Variants in MYOCOS observed in about 807,000 individuals in gnomAD.
The protein encoded by MYOCOS is myocilin opposite strand protein.
chr1:171,612,235 T>C lies in MYOCOS; in HGVS notation c.-251-2563T>C, dbSNP rs371960014. 2.9e-4 allele frequency among the ~76,000 whole-genome samples: 44 copies of C among 152,016 alleles called. No homozygotes were observed. In the East Asian group the frequency reaches 5.3e-3, roughly 18 times the overall value. The stretch of plus-strand genomic sequence containing the variant: ...CTGGGGTTACAGGCATCTGCCACCA[T>C]GCCTGGCTAATTTTTGTATTTTTAG... On this transcript the variant is annotated intron_variant, in intron 1 of 3. Coordinates refer to the MYOCOS transcript ENST00000636697.
chr1:171,620,145 C>T (rs1324192043), upstream of MYOCOS, among the ~76,000 whole-genome samples: 1 of 150,016 alleles, frequency 6.7e-6, no homozygotes, highest in Non-Finnish European at 1.5e-5. Flanking sequence ...CTCTAGAGAA[C>T]CCTAATACAG....
chr1:171,605,852 A>G (rs1652234980), intron 1 of MYOCOS, among the ~76,000 whole-genome samples: 1 of 152,224 alleles, frequency 6.6e-6, no homozygotes, highest in Non-Finnish European at 1.5e-5. Context: ...ATTACTAATA[A>G]AACCGGTCAA....
chr1:171,616,241 C>CAAAA (rs1652448503), intron 2 of MYOCOS, among the ~76,000 whole-genome samples: 1 of 149,692 alleles, frequency 6.7e-6, no homozygotes. Flanking sequence ...AACAAACAAA[C>CAAAA]AAACAAAAAA....
intron 1 of MYOCOS, among the ~76,000 whole-genome samples, chr1:171,602,218 G>A (rs1235947265): frequency 2.0e-5 from 3 of 152,056 alleles, no homozygotes; most frequent in Non-Finnish European, 4.4e-5. Flanking sequence ...GAAAAATTGT[G>A]TGCGAAAGTC....
intron 1 of MYOCOS, chr1:171,614,650 C>T (rs1012546337): frequency 1.3e-5 from 2 of 152,232 alleles, no homozygotes; most frequent in Non-Finnish European, 2.9e-5. Context: ...CACCAACACT[C>T]CCAGCAGTGG....
At chr1:171,614,954 G>A (rs1652421301) in exon 2 of MYOCOS, 1 of 152,214 alleles carries the variant, frequency 6.6e-6, no homozygotes, top group Admixed American at 6.5e-5. Flanking sequence ...ATATCTCTGG[G>A]TGTTCAAGGA....
At chr1:171,607,072 C>T (rs1161008762) in intron 1 of MYOCOS, among the ~76,000 whole-genome samples, 3 of 111,742 alleles carry the variant, frequency 2.7e-5, no homozygotes, top group Admixed American at 1.3e-4. Context: ...CCAGCCTGGG[C>T]AAGAGAGTGA....
chr1:171,602,747 G>T (rs1188606184), intron 1 of MYOCOS, among the ~76,000 whole-genome samples: 1 of 151,990 alleles, frequency 6.6e-6, no homozygotes, highest in Non-Finnish European at 1.5e-5. Flanking sequence ...CATACAAGAA[G>T]CATTATTAAA....
intron 2 of MYOCOS, among the ~76,000 whole-genome samples, chr1:171,625,539 C>T (rs1337169551): frequency 1.3e-5 from 2 of 152,146 alleles, no homozygotes; most frequent in Non-Finnish European, 2.9e-5. Flanking sequence ...GTTCAGGGAA[C>T]AATTAAATCT....
chr1:171,604,449 C>A (rs1322300202), intron 1 of MYOCOS: 2 of 152,094 alleles, frequency 1.3e-5, no homozygotes, highest in African/African-American at 4.8e-5. Context: ...CAAAGGAAAC[C>A]TGTTTGTATA....
upstream of MYOCOS, among the ~76,000 whole-genome samples, chr1:171,617,342 C>G (rs150478278): frequency 2.2e-3 from 335 of 152,106 alleles, 1 homozygote; most frequent in African/African-American, 7.6e-3. Context: ...AGACTAGATG[C>G]AATTAACAGG....
At chr1:171,604,684 A>C (rs375356234) in intron 1 of MYOCOS, among the ~76,000 whole-genome samples, 3 of 152,238 alleles carry the variant, frequency 2.0e-5, no homozygotes, top group East Asian at 3.8e-4. Flanking sequence ...ACAGCATAGG[A>C]TAGGATGCGG....
intron 1 of MYOCOS, among the ~76,000 whole-genome samples, chr1:171,604,941 A>G (rs1048013647): frequency 1.3e-5 from 2 of 152,200 alleles, no homozygotes; most frequent in African/African-American, 4.8e-5. Context: ...AATACGTATC[A>G]TTAGGCATTG....
chr1:171,611,185 A>G (rs1283948510), intron 1 of MYOCOS, among the ~76,000 whole-genome samples: 1 of 152,204 alleles, frequency 6.6e-6, no homozygotes, highest in African/African-American at 2.4e-5. Context: ...TACTGAATTG[A>G]CAAAACCAAA....
At chr1:171,624,082 T>C in intron 2 of MYOCOS, 104 bp downstream of exon 2, 1 of 397,988 alleles carries the variant, frequency 2.5e-6, no homozygotes. Context: ...TTTATTTAAA[T>C]GTATTTAATG....
rs1197438281 is a variant in MYOCOS at position 171,623,949 on chromosome 1, A to G, written c.66A>G (p.Val22=). ...CCTACAAGGACTTGACCTCCGAGGT[A>G]ACCAGGCGCCGAGTCACCATGATCA... The part of the protein sequence containing the change: ...NLPYKDLTSE[V]TRRRVTMITR... The change falls in exon 2 of 3, where the codon GTA becomes GTG. Residue 22 remains valine (V), a synonymous_variant. Coordinates refer to ENST00000637642, the MANE Select transcript of MYOCOS (RefSeq NM_001391940.1). 1.8e-5 allele frequency: 7 copies of G among 398,528 alleles called. No homozygotes were observed. Among genetic ancestry groups the G allele is most frequent in the Non-Finnish European group, 3.1e-5 (7 of 226,086 alleles). The allele number at this position is 398,528 out of a possible 1,614,324, so 24.7% of individuals were successfully genotyped here. A position where few individuals can be genotyped will look rare whatever the true frequency, so the allele number is the denominator to read the frequency against.
chr1:171,621,756 A>G (rs560166237), upstream of MYOCOS, among the ~76,000 whole-genome samples: 7 of 152,228 alleles, frequency 4.6e-5, no homozygotes, highest in East Asian at 1.4e-3. Flanking sequence ...GGATCACTTG[A>G]GGCCAGGAGT....
At chr1:171,620,604 A>T (rs1319352725), upstream of MYOCOS, among the ~76,000 whole-genome samples, 5 of 152,122 alleles carry the variant, frequency 3.3e-5, no homozygotes, top group African/African-American at 1.2e-4. Flanking sequence ...ACCATCTTTT[A>T]TCTTAACCTG....
intron 1 of MYOCOS, chr1:171,614,673 C>T (rs572163468): frequency 7.2e-4 from 110 of 152,354 alleles, no homozygotes; most frequent in African/African-American, 2.6e-3. Context: ...GAACAACTGC[C>T]TCAGCTGGAA....
Sources: gnomAD v4.1 joint callset for allele counts (sites outside exome capture counted in the v4.1 genomes callset) on GRCh38, gnomAD v4.1.1 for gene constraint, MANE v1.5 for transcripts, NCBI Gene and HGNC (gene_info 2026-07-23, HGNC 2026-07-21) for gene names.